Variants in FBXO30 observed in about 807,000 individuals in gnomAD.
FBXO30 encodes F-box only protein 30.
A neutral mutation model predicts 58.1 loss-of-function variants in FBXO30; 21 were observed. The ratio of observed to expected loss-of-function variants is 0.36; its 90% CI spans 0.26 to 0.52. The LOEUF is 0.52. Ranked by LOEUF, FBXO30 falls within the 20% of genes least tolerant of loss-of-function variation. The pLI, the probability that FBXO30 is intolerant of heterozygous loss-of-function variation, is 0.93. For missense variants in FBXO30, 744 were observed against 897.3 expected (o/e 0.83, Z 2.18); for synonymous variants, 309 against 312.4 (o/e 0.99, Z 0.11).
chr6:145,800,431 G>C, intron 2 of FBXO30, 122 bp from the exon 3 acceptor site: 1 of 692,678 alleles, frequency 1.4e-6, no homozygotes, highest in East Asian at 2.8e-5. Flanking sequence ...GTTTCAAATA[G>C]CTATAAAATT....
intron 1 of FBXO30, among the ~76,000 whole-genome samples, chr6:145,814,170 C>G (rs1401144890): frequency 6.6e-6 from 1 of 152,208 alleles, no homozygotes; most frequent in Non-Finnish European, 1.5e-5. Context: ...CCCAGTCTTA[C>G]TTTAAGCCAT....
At chr6:145,812,847 T>C (rs1778370298) in intron 1 of FBXO30, among the ~76,000 whole-genome samples, 1 of 152,168 alleles carries the variant, frequency 6.6e-6, no homozygotes, top group Non-Finnish European at 1.5e-5. Flanking sequence ...ATCTCCTCTA[T>C]TTCATCACAC....
In FBXO30 at chr6:145,798,673, T is replaced by C. The variant is rs1583188814; in HGVS notation, c.*1433A>G. On this transcript the variant is annotated 3_prime_UTR_variant, in exon 3 of 3. Transcript: ENST00000237281. ...TTTTTCAACTGTACTAAGGACTTCA[T>C]CCAACCAAAACAAATCTTAAGCTTC... 6.6e-6 allele frequency: 1 copy of C among 152,512 alleles called. No homozygotes were observed. Among genetic ancestry groups the C allele is most frequent in the South Asian group, 2.1e-4 (1 of 4,824 alleles). 9.4% of individuals were successfully genotyped at this position (152,512 alleles called of 1,614,324 possible).
chr6:145,813,899 C>G (rs891117195), intron 1 of FBXO30, among the ~76,000 whole-genome samples: 1 of 152,124 alleles, frequency 6.6e-6, no homozygotes, highest in Non-Finnish European at 1.5e-5. Flanking sequence ...ACTGTTTTGC[C>G]TCTTTGCCTC....
chr6:145,805,239 G>C lies in FBXO30; in HGVS notation c.1167C>G (p.Phe389Leu). 1 of 1,614,008 alleles carries C rather than the reference G, an allele frequency of 6.2e-7. No homozygotes were observed. Among genetic ancestry groups the C allele is most frequent in the Non-Finnish European group, 8.5e-7 (1 of 1,179,950 alleles). The change falls in exon 2 of 3, where the codon TTC becomes TTG. Residue 389 changes from phenylalanine (F) to leucine (L), a missense_variant. This residue lies in a region of FBXO30 where 275 missense variants were observed against 262.0 expected (regional missense o/e 1.05). Transcript: ENST00000237281. ...DVLSFSHAPS[F>L]NFLSNSCWSK... Reference sequence around the variant, plus strand: ...ACCAACATGAATTAGAAAGAAAATTGAATGAAGGAGCATGACTGAAAGATA... The same window carrying C: ...ACCAACATGAATTAGAAAGAAAATTCAATGAAGGAGCATGACTGAAAGATA...
intron 1 of FBXO30, among the ~76,000 whole-genome samples, chr6:145,807,518 C>A (rs534395058): frequency 6.6e-6 from 1 of 152,246 alleles, no homozygotes; most frequent in South Asian, 2.1e-4. Flanking sequence ...AGGAATAAGG[C>A]AAATCATGAT....
At chr6:145,801,455 G>A (rs1195395846) in intron 2 of FBXO30, among the ~76,000 whole-genome samples, 3 of 151,916 alleles carry the variant, frequency 2.0e-5, no homozygotes, top group African/African-American at 7.2e-5. Flanking sequence ...TATCGTTAGT[G>A]TATTTTATGT....
rs1170780558 is a variant in FBXO30, at chr6:145,804,665, C to T, written c.1741G>A (p.Asp581Asn). The change falls in exon 2 of 3, where the codon GAC becomes AAC. Residue 581 changes from aspartate to asparagine, a missense_variant. By Grantham distance (23) the Asp-to-Asn change is conservative. Transcript: ENST00000237281. The part of the protein sequence containing the change: ...PSIQGAKIIH[D>N]RHLRSFGVQP... ...ACTCCAAATGACCTCAAATGGCGGTCATGTATAATCTTTGCTCCTTGTATT... is the reference window on the plus strand; with the variant it reads ...ACTCCAAATGACCTCAAATGGCGGTTATGTATAATCTTTGCTCCTTGTATT... 1 of 1,613,742 alleles carries T rather than the reference C, an allele frequency of 6.2e-7. No individual in the cohort carries two copies. Among genetic ancestry groups the T allele is most frequent in the African/African-American group, 1.3e-5 (1 of 74,900 alleles).
Position 145,797,674 on chromosome 6 carries a change from TGA to T in FBXO30, c.*2430_*2431del. The T allele has an allele frequency of 6.6e-6, 1 of 150,438 alleles. No individual in the cohort carries two copies. The highest frequency in any genetic ancestry group is 3.4e-3 in the Middle Eastern group (1 of 294). 9.3% of individuals were successfully genotyped at this position (150,438 alleles called of 1,614,324 possible). Reference sequence around the variant, plus strand: ...GAGTCTCAAAATCTAGAAAAAAGAGTGAGAGAGGGAGAAGGGAAAGGGAGAGG... The same window carrying T: ...GAGTCTCAAAATCTAGAAAAAAGAGTGAGAGGGAGAAGGGAAAGGGAGAGG... On this transcript the variant is annotated 3_prime_UTR_variant, in exon 3 of 3. Transcript: ENST00000237281.
Position 145,800,284 on chromosome 6 carries a change from C to G in FBXO30, c.2060G>C (p.Cys687Ser). The stretch of plus-strand genomic sequence containing the variant: ...AGCAAATTTCCATTCATTAACAGAA[C>G]AAAATGCAGTACTAAATCGCCATAC... ...EKVWRFSTAF[C>S]SVNEWKFADI... Residue 687 changes from cysteine to serine, a missense_variant, in exon 3 of 3, where the codon TGT becomes TCT. Coordinates refer to ENST00000237281, the MANE Select transcript of FBXO30 (RefSeq NM_032145.5). 2 of 1,612,624 alleles carry G rather than the reference C, an allele frequency of 1.2e-6. No homozygotes were observed. The highest frequency in any genetic ancestry group is 1.7e-6 in the Non-Finnish European group (2 of 1,179,128).
At chr6:145,812,731 C>A (rs941255200) in intron 1 of FBXO30, among the ~76,000 whole-genome samples, 4 of 152,132 alleles carry the variant, frequency 2.6e-5, no homozygotes, top group Non-Finnish European at 5.9e-5. Context: ...AATAACATTA[C>A]TCATTCTTTA....
chr6:145,813,118 T>C (rs1285355818), intron 1 of FBXO30, among the ~76,000 whole-genome samples: 3 of 152,194 alleles, frequency 2.0e-5, no homozygotes, highest in South Asian at 2.1e-4. Context: ...AGTACCTCTC[T>C]ATACACGTTA....
rs756930649 is a variant in FBXO30 at position 145,804,518 on chromosome 6, C to T, written c.1888G>A (p.Gly630Ser). ...CATGAGAGCTGACATAAGCTGAAGC[C>T]ATCGAGAAAGCCTGCAATATGCTGC... ...VLQHIAGFLD[G>S]FSLCQLSCVS... Residue 630 changes from glycine (G) to serine (S), a missense_variant, in exon 2 of 3, where the codon GGC becomes AGC. Transcript: ENST00000237281. The T allele has an allele frequency of 3.1e-6, 5 of 1,613,694 alleles. No individual in the cohort carries two copies. Among genetic ancestry groups the T allele is most frequent in the Non-Finnish European group, 3.4e-6 (4 of 1,179,788 alleles).
Position 145,800,299 on chromosome 6 carries a change from A to C in FBXO30, c.2045T>G (p.Phe682Cys). The C allele has an allele frequency of 1.9e-6, 3 of 1,612,274 alleles. No homozygotes were observed. The highest frequency in any genetic ancestry group is 2.5e-6 in the Non-Finnish European group (3 of 1,178,892). Residue 682 changes from phenylalanine to cysteine, a missense_variant, in exon 3 of 3, where the codon TTT (phenylalanine) becomes TGT (cysteine). By Grantham distance (205) the Phe-to-Cys change is radical. Coordinates refer to ENST00000237281, the MANE Select transcript of FBXO30 (RefSeq NM_032145.5). ...ATTAACAGAACAAAATGCAGTACTAAATCGCCATACCTACAAGAAAATTCT... is the reference window on the plus strand; with the variant it reads ...ATTAACAGAACAAAATGCAGTACTACATCGCCATACCTACAAGAAAATTCT... ...SWQIKEKVWR[F>C]STAFCSVNEW... is the part of the protein sequence containing the mutation.
Position 145,806,426 on chromosome 6 carries a change from T to C in FBXO30, c.-16-5A>G, listed in dbSNP as rs1485994721. The C allele has an allele frequency of 1.3e-6, 2 of 1,592,702 alleles. No homozygotes were observed. The highest frequency in any genetic ancestry group is 1.7e-6 in the Non-Finnish European group (2 of 1,172,746). The stretch of plus-strand genomic sequence containing the variant: ...TCCATAATGGCCAGTCCAGCTCTGG[T>C]TGATGAAATGGAAAAAGATAAGAAA... On this transcript the variant is annotated splice_region_variant and splice_polypyrimidine_tract_variant and intron_variant, in intron 1 of 2. Coordinates refer to ENST00000237281, the MANE Select transcript of FBXO30 (RefSeq NM_032145.5).
chr6:145,793,696 G>T lies in FBXO30; in HGVS notation c.*6410C>A, dbSNP rs552067648. On this transcript the variant is annotated 3_prime_UTR_variant, in exon 3 of 3. Transcript: ENST00000237281. ...CAAGGAATCATAATAAATTTCAAAA[G>T]ATAAAAAATAAACATTGACACAGAA... The T allele has an allele frequency of 1.3e-5, 2 of 152,016 alleles. No individual in the cohort carries two copies. The highest frequency in any genetic ancestry group is 4.1e-4 in the South Asian group (2 of 4,830). The allele number at this position is 152,016 out of a possible 1,614,324, so 9.4% of individuals were successfully genotyped here.
chr6:145,800,388 C>T, intron 2 of FBXO30, 79 bp from the exon 3 acceptor site: 1 of 1,128,216 alleles, frequency 8.9e-7, no homozygotes, highest in Non-Finnish European at 1.3e-6. Context: ...CTACTGCATA[C>T]ATTTCTGCTA....
At chr6:145,812,820 C>CT (rs1396672903) in intron 1 of FBXO30, among the ~76,000 whole-genome samples, 1 of 152,130 alleles carries the variant, frequency 6.6e-6, no homozygotes, top group African/African-American at 2.4e-5. Flanking sequence ...AATATAGAAG[C>CT]AACTTGTCTA....
At position 145,796,866 on chromosome 6, in the gene FBXO30, T is replaced by C. The variant is rs1444584460; in HGVS notation, c.*3240A>G. The C allele has an allele frequency of 6.6e-6, 1 of 151,802 alleles. No homozygotes were observed. Among genetic ancestry groups the C allele is most frequent in the African/African-American group, 2.4e-5 (1 of 41,360 alleles). The allele number at this position is 151,802 out of a possible 1,614,324, so 9.4% of individuals were successfully genotyped here. ...CCTATTATCAGCAACATTACTAAGA[T>C]CCCAACATCCAGTGTTAAAGGACAG... On this transcript the variant is annotated 3_prime_UTR_variant, in exon 3 of 3. Transcript: ENST00000237281.
Sources: gnomAD v4.1 joint callset for allele counts (sites outside exome capture counted in the v4.1 genomes callset) on GRCh38, gnomAD v4.1.1 for gene constraint, gnomAD v4.1.1 regional missense constraint, MANE v1.5 for transcripts, NCBI Gene and HGNC (gene_info 2026-07-23, HGNC 2026-07-21) for gene names.